The following KCNMA1 variants were observed in gnomAD, a reference collection of about 807,000 sequenced individuals.
The protein encoded by KCNMA1 is potassium calcium-activated channel subfamily M alpha 1.
In KCNMA1, 29 loss-of-function variants were observed where a neutral mutation model predicts 140.0. The observed-to-expected ratio is 0.21, with a 90% CI of 0.15 to 0.28. KCNMA1 has a LOEUF of 0.28. KCNMA1 is among the 10% of genes least tolerant of loss of function. The pLI, the probability that KCNMA1 is intolerant of heterozygous loss-of-function variation, is 1.00. For missense variants in KCNMA1, 880 were observed against 1,602.2 expected (o/e 0.55, Z 7.70); for synonymous variants, 612 against 611.9 (o/e 1.00, Z 0.00).
intron 8 of KCNMA1, among the ~76,000 whole-genome samples, chr10:77,109,503 G>T (rs992419888): frequency 6.6e-6 from 1 of 152,202 alleles, no homozygotes; most frequent in African/African-American, 2.4e-5. Flanking sequence ...ATTAGAAGGG[G>T]TGGTTTAGTG....
chr10:77,628,656 A>G (rs894672443), intron 1 of KCNMA1, among the ~76,000 whole-genome samples: 2 of 152,148 alleles, frequency 1.3e-5, no homozygotes, highest in Non-Finnish European at 2.9e-5. Flanking sequence ...TCTCAAAAAA[A>G]AAAAAAAATC....
intron 25 of KCNMA1, chr10:76,903,814 C>T (rs540133904): frequency 6.6e-6 from 1 of 152,292 alleles, no homozygotes; most frequent in South Asian, 2.1e-4. Flanking sequence ...ACCCACATTC[C>T]AGACGGTCAC....
intron 1 of KCNMA1, among the ~76,000 whole-genome samples, chr10:77,573,608 A>AAATGG (rs1207560008): frequency 1.7e-4 from 10 of 58,228 alleles, no homozygotes; most frequent in Middle Eastern, 8.1e-3. Flanking sequence ...TTTTTTAAGA[A>AAATGG]AATGGAATGG....
chr10:77,377,475 C>T (rs1458592762), intron 2 of KCNMA1, among the ~76,000 whole-genome samples: 1 of 152,132 alleles, frequency 6.6e-6, no homozygotes, highest in Non-Finnish European at 1.5e-5. Flanking sequence ...CAGGCGTCGA[C>T]TAGATGGGTC....
chr10:77,273,142 C>T (rs2065650819), intron 2 of KCNMA1, among the ~76,000 whole-genome samples: 1 of 152,102 alleles, frequency 6.6e-6, no homozygotes, highest in African/African-American at 2.4e-5. Context: ...TAAATAAGTC[C>T]TCAAAACCTA....
At chr10:76,947,845 G>A (rs10762741) in intron 22 of KCNMA1, among the ~76,000 whole-genome samples, 52,962 of 152,026 alleles carry the variant, frequency 0.35, 9,590 homozygotes, top group Non-Finnish European at 0.41. Context: ...ATAGATTCTT[G>A]TGTGTTCTTT....
intron 18 of KCNMA1, among the ~76,000 whole-genome samples, chr10:77,006,173 T>A (rs1399372045): frequency 1.3e-5 from 2 of 152,138 alleles, no homozygotes. Flanking sequence ...CCAGGGTGGA[T>A]TGGAAGAGGC....
chr10:77,499,988 T>A (rs146517641), intron 1 of KCNMA1, among the ~76,000 whole-genome samples: 45 of 152,192 alleles, frequency 3.0e-4, no homozygotes, highest in Middle Eastern at 3.4e-3. Context: ...TTATCTTACG[T>A]GGCAAGGAGT....
At chr10:77,093,854 C>T (rs796939709) in intron 9 of KCNMA1, among the ~76,000 whole-genome samples, 62 of 152,286 alleles carry the variant, frequency 4.1e-4, no homozygotes, top group African/African-American at 1.5e-3. Context: ...CCAAAGTTAT[C>T]TCTGTTGGGT....
At chr10:77,609,800 C>A (rs1214539076) in intron 1 of KCNMA1, among the ~76,000 whole-genome samples, 1 of 151,522 alleles carries the variant, frequency 6.6e-6, no homozygotes. Context: ...GCGTCAGGAA[C>A]AAGAGGAAGT....
chr10:77,606,851 C>T (rs138441730), intron 1 of KCNMA1, among the ~76,000 whole-genome samples: 2 of 152,290 alleles, frequency 1.3e-5, no homozygotes, highest in African/African-American at 2.4e-5. Flanking sequence ...GGCACCTTGA[C>T]ACCATACAAA....
At chr10:77,510,949 C>T (rs1394097483) in intron 1 of KCNMA1, among the ~76,000 whole-genome samples, 1 of 152,220 alleles carries the variant, frequency 6.6e-6, no homozygotes, top group Non-Finnish European at 1.5e-5. Context: ...GAGATAACGC[C>T]GATTAACAAC....
At chr10:77,006,851 C>T (rs557365282) in intron 18 of KCNMA1, among the ~76,000 whole-genome samples, 4 of 152,222 alleles carry the variant, frequency 2.6e-5, no homozygotes, top group East Asian at 1.9e-4. Context: ...AGGGTTCTGT[C>T]GATGAAGAAA....
chr10:77,229,698 C>T (rs1012878751), intron 3 of KCNMA1, among the ~76,000 whole-genome samples: 9 of 152,092 alleles, frequency 5.9e-5, no homozygotes, highest in African/African-American at 1.2e-4. Context: ...CTGAAGCTGC[C>T]GCTGTAGGTG....
chr10:76,941,051 A>AAGAAAGAAAGAAAGAAAGAAAG, intron 23 of KCNMA1, among the ~76,000 whole-genome samples: 1 of 62,946 alleles, frequency 1.6e-5, no homozygotes, highest in East Asian at 6.3e-4. Flanking sequence ...GAAAGAAAGA[A>AAGAAAGAAAGAAAGAAAGAAAG]AGAGAAAGAA....
chr10:76,884,837 CAG>C (rs1450863430), downstream of KCNMA1: 1 of 1,175,764 alleles, frequency 8.5e-7, no homozygotes, highest in Non-Finnish European at 1.1e-6. Context: ...AAACCACAAA[CAG>C]AACAATATAA....
At chr10:77,399,083 T>A (rs2096173235) in intron 2 of KCNMA1, among the ~76,000 whole-genome samples, 2 of 152,292 alleles carry the variant, frequency 1.3e-5, no homozygotes, top group East Asian at 1.9e-4. Flanking sequence ...GTATTTTCCA[T>A]AAGCCACCGA....
rs570930445 is a variant in KCNMA1, at chr10:76,889,080, C to CA, written c.3461+370dup. ...TCTCAAAAAACAAACAAACAAAAAA[C>CA]AAAAAAACAAAAAAACTTATCTTAA... On this transcript the variant is annotated intron_variant, in intron 27 of 27. Transcript: ENST00000286628. Among the ~76,000 whole-genome samples the CA allele has an allele frequency of 5.2e-5, 7 of 135,074 alleles. No individual in the cohort carries two copies. In the East Asian group the frequency reaches 1.0e-3, roughly 20 times the overall value. 88.6% of individuals were successfully genotyped at this position (135,074 alleles called of 152,430 possible).
At chr10:77,587,603 T>A (rs2719998) in intron 1 of KCNMA1, among the ~76,000 whole-genome samples, 1 of 152,144 alleles carries the variant, frequency 6.6e-6, no homozygotes, top group South Asian at 2.1e-4. Context: ...CTCAGCAGAG[T>A]GGACTTTCTG....
Sources: allele counts gnomAD v4.1 joint callset (sites outside exome capture counted in the v4.1 genomes callset), GRCh38; gene constraint gnomAD v4.1.1; transcripts MANE v1.5; gene names NCBI Gene and HGNC (gene_info 2026-07-23, HGNC 2026-07-21).